Variants in HS6ST3 observed in about 807,000 individuals in gnomAD.
HS6ST3 encodes heparan-sulfate 6-O-sulfotransferase 3.
Under a neutral mutation model 36.7 loss-of-function variants are expected in HS6ST3, and 12 were observed. That is an observed-to-expected ratio of 0.33 (90% CI 0.21 to 0.53). HS6ST3 has a LOEUF of 0.53. Ranked by LOEUF, HS6ST3 falls within the 20% of genes least tolerant of loss-of-function variation. The probability of loss-of-function intolerance (pLI) is 0.95; values close to 1 mark genes in which losing one functional copy is unlikely to be tolerated. For missense variants in HS6ST3, 584 were observed against 640.9 expected (o/e 0.91, Z 0.96); for synonymous variants, 240 against 257.5 (o/e 0.93, Z 0.65).
intron 1 of HS6ST3, among the ~76,000 whole-genome samples, chr13:96,446,791 A>G (rs917852872): frequency 6.6e-6 from 1 of 152,192 alleles, no homozygotes; most frequent in African/African-American, 2.4e-5. Flanking sequence ...CTACGCCCTC[A>G]TTCTATAGCT....
At chr13:96,515,147 A>G (rs1035666506) in intron 1 of HS6ST3, among the ~76,000 whole-genome samples, 2 of 152,248 alleles carry the variant, frequency 1.3e-5, no homozygotes, top group Non-Finnish European at 2.9e-5. Context: ...TAACTTTAGG[A>G]ATAATATAAC....
Position 96,593,174 on chromosome 13 carries a change from C to CTTTTTTTTTTTTTTT in HS6ST3, c.708-239303_708-239289dup, listed in dbSNP as rs35380296. ...CTCTGACTGTGTATTTTCTTTCTTT[C>CTTTTTTTTTTTTTTT]TTTTTTTTTTTTTTTTTTTTTTTTT... On this transcript the variant is annotated intron_variant, in intron 1 of 1. Transcript: ENST00000376705. Among the ~76,000 whole-genome samples the CTTTTTTTTTTTTTTT allele has an allele frequency of 2.4e-4, 11 of 46,622 alleles. 3 individuals are homozygous for CTTTTTTTTTTTTTTT. Among genetic ancestry groups the CTTTTTTTTTTTTTTT allele is most frequent in the African/African-American group, 4.7e-4 (5 of 10,694 alleles). 30.6% of individuals were successfully genotyped at this position (46,622 alleles called of 152,430 possible).
intron 1 of HS6ST3, among the ~76,000 whole-genome samples, chr13:96,545,104 G>C (rs1207559479): frequency 6.6e-6 from 1 of 152,092 alleles, no homozygotes; most frequent in East Asian, 1.9e-4. Flanking sequence ...TCTAAGTCTT[G>C]CTGGCATTAT....
At chr13:96,174,887 CT>C (rs1195164593) in intron 1 of HS6ST3, among the ~76,000 whole-genome samples, 19 of 152,060 alleles carry the variant, frequency 1.2e-4, no homozygotes, top group Admixed American at 1.2e-3. Context: ...TAGGCCATGG[CT>C]TTTGGGTACA....
chr13:96,598,410 G>T (rs946329791), intron 1 of HS6ST3, among the ~76,000 whole-genome samples: 1 of 151,920 alleles, frequency 6.6e-6, no homozygotes, highest in African/African-American at 2.4e-5. Flanking sequence ...TATATTCCTA[G>T]ATATTTTATT....
intron 1 of HS6ST3, among the ~76,000 whole-genome samples, chr13:96,418,608 G>T (rs1164490075): frequency 6.6e-6 from 1 of 152,140 alleles, no homozygotes; most frequent in African/African-American, 2.4e-5. Context: ...CCTGGTAGGT[G>T]CTATAAGAGA....
chr13:96,203,827 C>T (rs879384459), intron 1 of HS6ST3, among the ~76,000 whole-genome samples: 28 of 152,156 alleles, frequency 1.8e-4, no homozygotes, highest in Admixed American at 4.6e-4. Context: ...AATACCATTC[C>T]GAATTCCATG....
At chr13:96,689,386 A>G (rs536450276) in intron 1 of HS6ST3, among the ~76,000 whole-genome samples, 2 of 152,110 alleles carry the variant, frequency 1.3e-5, no homozygotes, top group South Asian at 2.1e-4. Flanking sequence ...CCCTCATCTA[A>G]ATTTAAGATA....
intron 1 of HS6ST3, among the ~76,000 whole-genome samples, chr13:96,431,783 G>T (rs1269907586): frequency 1.3e-5 from 2 of 152,168 alleles, no homozygotes; most frequent in Non-Finnish European, 2.9e-5. Context: ...GTGATGCAAC[G>T]TTTGCCTACG....
intron 1 of HS6ST3, among the ~76,000 whole-genome samples, chr13:96,512,668 A>G (rs538700945): frequency 6.6e-6 from 1 of 152,076 alleles, no homozygotes; most frequent in African/African-American, 2.4e-5. Context: ...GTGGTTTATT[A>G]GTTATTTTTT....
At chr13:96,538,942 C>G (rs1214629278) in intron 1 of HS6ST3, among the ~76,000 whole-genome samples, 1 of 152,140 alleles carries the variant, frequency 6.6e-6, no homozygotes, top group African/African-American at 2.4e-5. Flanking sequence ...TCTATTGATG[C>G]TATTTGGACA....
chr13:96,739,232 T>TGA, intron 1 of HS6ST3, among the ~76,000 whole-genome samples: 1 of 77,716 alleles, frequency 1.3e-5, no homozygotes, highest in African/African-American at 6.3e-5. Context: ...TGTGTGTGTG[T>TGA]GTGTGTGTGT....
At chr13:96,630,522 G>T (rs1316810737) in intron 1 of HS6ST3, among the ~76,000 whole-genome samples, 1 of 152,046 alleles carries the variant, frequency 6.6e-6, no homozygotes, top group African/African-American at 2.4e-5. Context: ...CGCCTTTCCT[G>T]CAGGTGTTTA....
chr13:96,255,526 C>A (rs145759348), intron 1 of HS6ST3, among the ~76,000 whole-genome samples: 1 of 152,118 alleles, frequency 6.6e-6, no homozygotes, highest in African/African-American at 2.4e-5. Context: ...TTTTTCCCAT[C>A]TAAAATTCTA....
At chr13:96,589,627 T>C (rs2056375409) in intron 1 of HS6ST3, among the ~76,000 whole-genome samples, 1 of 152,146 alleles carries the variant, frequency 6.6e-6, no homozygotes, top group East Asian at 1.9e-4. Flanking sequence ...TAGATTATTT[T>C]AGATCTTTCT....
At chr13:96,219,775 C>T (rs533726509) in intron 1 of HS6ST3, among the ~76,000 whole-genome samples, 28 of 152,226 alleles carry the variant, frequency 1.8e-4, no homozygotes, top group Non-Finnish European at 2.6e-4. Flanking sequence ...CCTCCGCTTC[C>T]GGGGTTCAAG....
At chr13:96,516,639 C>T (rs1432407086) in intron 1 of HS6ST3, among the ~76,000 whole-genome samples, 1 of 152,064 alleles carries the variant, frequency 6.6e-6, no homozygotes, top group Admixed American at 6.6e-5. Context: ...TAGCATAAAA[C>T]AGCAGAAAAC....
At chr13:96,111,295 A>G (rs939980471) in intron 1 of HS6ST3, among the ~76,000 whole-genome samples, 1 of 152,234 alleles carries the variant, frequency 6.6e-6, no homozygotes, top group Admixed American at 6.5e-5. Flanking sequence ...ATATTAAGGC[A>G]CATAACCTTC....
chr13:96,371,105 A>G (rs1169688570), intron 1 of HS6ST3, among the ~76,000 whole-genome samples: 2 of 152,176 alleles, frequency 1.3e-5, no homozygotes, highest in Non-Finnish European at 2.9e-5. Context: ...GCCATATAAA[A>G]TTCAATTTGT....
Sources: allele counts gnomAD v4.1 joint callset (sites outside exome capture counted in the v4.1 genomes callset), GRCh38; gene constraint gnomAD v4.1.1; transcripts MANE v1.5; gene names NCBI Gene and HGNC (gene_info 2026-07-23, HGNC 2026-07-21).